CDH18: variants seen among roughly 807,000 people sequenced by gnomAD.
CDH18 encodes the protein cadherin 18.
A neutral mutation model predicts 67.9 loss-of-function variants in CDH18; 31 were observed. That is an observed-to-expected ratio of 0.46 (90% confidence interval 0.34 to 0.62). The LOEUF (loss-of-function observed/expected upper bound fraction) is 0.62. CDH18 is among the 20% of genes least tolerant of loss of function. The pLI, the probability that CDH18 is intolerant of heterozygous loss-of-function variation, is 0.01. For synonymous variants in CDH18, 362 were observed against 347.2 expected (o/e 1.04, Z -0.48); for missense variants, 890 against 975.5 (o/e 0.91, Z 1.17).
chr5:19,654,780 T>A (rs1756098238), intron 5 of CDH18, among the ~76,000 whole-genome samples: 1 of 151,972 alleles, frequency 6.6e-6, no homozygotes, highest in South Asian at 2.1e-4. Context: ...CGGAGGGAGG[T>A]AGCTCTCAGC....
chr5:19,938,016 T>C (rs1217691946), intron 2 of CDH18, among the ~76,000 whole-genome samples: 4 of 147,916 alleles, frequency 2.7e-5, no homozygotes, highest in Non-Finnish European at 1.5e-5. Flanking sequence ...GCTATATATA[T>C]AGCATATACA....
At chr5:19,735,642 G>C (rs573854444) in intron 4 of CDH18, among the ~76,000 whole-genome samples, 1 of 151,422 alleles carries the variant, frequency 6.6e-6, no homozygotes, top group Non-Finnish European at 1.5e-5. Flanking sequence ...TGATCCTCCC[G>C]CCTCGGCCTC....
At chr5:20,335,822 T>C (rs1023243567) in intron 1 of CDH18, among the ~76,000 whole-genome samples, 1 of 152,196 alleles carries the variant, frequency 6.6e-6, no homozygotes, top group Non-Finnish European at 1.5e-5. Flanking sequence ...GTCATAAAAA[T>C]ATTAAAGCAT....
At chr5:20,309,626 C>G (rs1736810354) in intron 1 of CDH18, among the ~76,000 whole-genome samples, 1 of 152,146 alleles carries the variant, frequency 6.6e-6, no homozygotes, top group Non-Finnish European at 1.5e-5. Flanking sequence ...GAAATGTAGG[C>G]TAGTTAACAT....
intron 2 of CDH18, among the ~76,000 whole-genome samples, chr5:19,997,761 A>G (rs1251959011): frequency 3.9e-5 from 6 of 152,180 alleles, no homozygotes; most frequent in Admixed American, 6.5e-5. Context: ...CTTATAATAC[A>G]GTGGAGGATG....
At chr5:19,729,009 A>C (rs1767237872) in intron 4 of CDH18, among the ~76,000 whole-genome samples, 2 of 152,184 alleles carry the variant, frequency 1.3e-5, no homozygotes, top group African/African-American at 4.8e-5. Context: ...TGAATTGAAA[A>C]GAAAAAAATA....
chr5:20,134,030 T>C (rs1749493221), intron 2 of CDH18, among the ~76,000 whole-genome samples: 1 of 152,142 alleles, frequency 6.6e-6, no homozygotes, highest in South Asian at 2.1e-4. Flanking sequence ...AATGGCACAC[T>C]CTCAGCTTGC....
chr5:20,486,586 C>CT (rs1473734891), intron 1 of CDH18, among the ~76,000 whole-genome samples: 3 of 150,874 alleles, frequency 2.0e-5, no homozygotes, highest in South Asian at 2.1e-4. Context: ...TTTTGGATCC[C>CT]TTTTTTTTGA....
chr5:20,019,252 A>G (rs1738181343), intron 2 of CDH18, among the ~76,000 whole-genome samples: 1 of 152,252 alleles, frequency 6.6e-6, no homozygotes, highest in Non-Finnish European at 1.5e-5. Context: ...AGCACAAAAT[A>G]GACTCACTAA....
chr5:20,078,677 A>G (rs1744172807), intron 2 of CDH18, among the ~76,000 whole-genome samples: 1 of 151,742 alleles, frequency 6.6e-6, no homozygotes, highest in Non-Finnish European at 1.5e-5. Context: ...ATCTTGGCTC[A>G]CTGCAATCCC....
chr5:19,571,799 G>C lies in CDH18; in HGVS notation c.1033C>G (p.Leu345Val). Residue 345 changes from leucine to valine, a missense_variant, in exon 8 of 13, where the codon CTC (leucine) becomes GTC (valine). This residue lies in a region of CDH18 where 656 missense variants were observed against 668.1 expected (regional missense o/e 0.98). Coordinates refer to ENST00000382275, the MANE Select transcript of CDH18 (RefSeq NM_004934.5). ...TGTGTATTTGCTCCTTCTATGTTGA[G>C]GGTATATGACTTCTTTTTCTCATAG... is the stretch of plus-strand genomic sequence containing the variant. ...LNYEKKKSYT[L>V]NIEGANTHLD... 3 of 1,613,436 alleles carry C rather than the reference G, an allele frequency of 1.9e-6. No individual in the cohort carries two copies. In the South Asian group the frequency reaches 3.3e-5, roughly 18 times the overall value.
intron 2 of CDH18, among the ~76,000 whole-genome samples, chr5:19,954,096 T>C (rs965414895): frequency 6.6e-6 from 1 of 152,104 alleles, no homozygotes; most frequent in Non-Finnish European, 1.5e-5. Flanking sequence ...TTATATTTTC[T>C]GTACTTACTA....
At chr5:20,531,832 C>T (rs1336893302) in intron 1 of CDH18, among the ~76,000 whole-genome samples, 1 of 151,866 alleles carries the variant, frequency 6.6e-6, no homozygotes, top group African/African-American at 2.4e-5. Context: ...CAGCAAACCA[C>T]CATGTTACCT....
At chr5:20,415,802 A>G (rs1013902715) in intron 1 of CDH18, among the ~76,000 whole-genome samples, 11 of 151,898 alleles carry the variant, frequency 7.2e-5, no homozygotes, top group Non-Finnish European at 2.9e-5. Flanking sequence ...ATAAATATAT[A>G]AAAAAATAAA....
chr5:19,934,537 C>T (rs950505305), intron 2 of CDH18, among the ~76,000 whole-genome samples: 1 of 151,428 alleles, frequency 6.6e-6, no homozygotes, highest in Non-Finnish European at 1.5e-5. Flanking sequence ...AAGCCTAAAG[C>T]AGGCCAGAGG....
chr5:20,422,052 T>C (rs1303435506), intron 1 of CDH18, among the ~76,000 whole-genome samples: 1 of 151,122 alleles, frequency 6.6e-6, no homozygotes, highest in Non-Finnish European at 1.5e-5. Context: ...ATCAGACTAA[T>C]AGTTTTCCTG....
At chr5:20,106,475 A>G (rs1187805982) in intron 2 of CDH18, among the ~76,000 whole-genome samples, 1 of 152,194 alleles carries the variant, frequency 6.6e-6, no homozygotes, top group Non-Finnish European at 1.5e-5. Flanking sequence ...TTTTGACAGA[A>G]CTAACAAATG....
intron 1 of CDH18, among the ~76,000 whole-genome samples, chr5:20,362,139 A>T (rs1479325015): frequency 6.6e-6 from 1 of 152,200 alleles, no homozygotes; most frequent in East Asian, 1.9e-4. Flanking sequence ...GGAATCATAA[A>T]CATTTACATT....
chr5:19,692,407 C>T (rs1006523946), intron 5 of CDH18, among the ~76,000 whole-genome samples: 1 of 152,090 alleles, frequency 6.6e-6, no homozygotes, highest in Non-Finnish European at 1.5e-5. Context: ...TAAAATGCTT[C>T]TGCTCAGCAG....
Sources: allele counts gnomAD v4.1 joint callset (sites outside exome capture counted in the v4.1 genomes callset), GRCh38; gene constraint gnomAD v4.1.1; regional missense constraint gnomAD v4.1.1; transcripts MANE v1.5; gene names NCBI Gene and HGNC (gene_info 2026-07-23, HGNC 2026-07-21).